ABCB7: variants seen among roughly 807,000 people sequenced by gnomAD.
ABCB7 encodes ATP binding cassette subfamily B member 7, also known as iron-sulfur clusters transporter ABCB7, mitochondrial.
Under a neutral mutation model 54.4 loss-of-function variants are expected in ABCB7, and 7 were observed. That is an observed-to-expected ratio of 0.13 (90% confidence interval 0.07 to 0.24). The LOEUF (loss-of-function observed/expected upper bound fraction) is 0.24, where lower values mean the gene tolerates loss of function less well. Ranked by LOEUF, ABCB7 falls within the 10% of genes least tolerant of loss-of-function variation. The probability of loss-of-function intolerance (pLI) is 1.00; values close to 1 mark genes in which losing one functional copy is unlikely to be tolerated. For missense variants in ABCB7, 356 were observed against 570.4 expected (o/e 0.62, Z 3.83); for synonymous variants, 218 against 207.1 (o/e 1.05, Z -0.45).
chrX:75,138,307 T>C (rs1158150646), intron 1 of ABCB7, among the ~76,000 whole-genome samples: 2 of 112,226 alleles, frequency 1.8e-5, no homozygotes, highest in African/African-American at 6.5e-5. Flanking sequence ...GTTAGGTACA[T>C]ATTTATGTGT....
intron 1 of ABCB7, among the ~76,000 whole-genome samples, chrX:75,153,849 G>T (rs1375706386): frequency 9.5e-6 from 1 of 105,412 alleles, no homozygotes; most frequent in Admixed American, 1.0e-4. Flanking sequence ...AAAAAGCACT[G>T]CTATTTTCTT....
At chrX:75,101,853 A>T (rs1363827150) in intron 3 of ABCB7, among the ~76,000 whole-genome samples, 1 of 112,021 alleles carries the variant, frequency 8.9e-6, no homozygotes, top group African/African-American at 3.2e-5. Context: ...AAATTATTCT[A>T]GTTGGCTTAA....
Position 75,114,777 on chromosome X carries a change from C to A in ABCB7, c.223G>T (p.Gly75Ter). 1 of 1,201,173 alleles carries A rather than the reference C, an allele frequency of 8.3e-7. No homozygotes were observed. Residue 75 changes from glycine to a stop codon, truncating the protein, a stop_gained, in exon 2 of 16, where the codon GGA (glycine) becomes TGA (stop). Transcript: ENST00000373394. LOFTEE classifies it high-confidence loss of function. The part of the protein sequence containing the change: ...TWQRLGKGNS[G>*]QFLDAAKALQ... ...ACCTTTGCAGCATCTAAGAACTGTC[C>A]TGAATTGCCTTTTCCCAATCTCTGC...
intron 3 of ABCB7, among the ~76,000 whole-genome samples, chrX:75,108,959 C>T (rs1014754596): frequency 1.8e-5 from 2 of 112,012 alleles, no homozygotes; most frequent in Admixed American, 1.9e-4. Flanking sequence ...TATTAACATA[C>T]AGCTTCATAA....
At chrX:75,114,985 A>T in intron 1 of ABCB7, 154 bp from the exon 2 acceptor site, 1 of 432,705 alleles carries the variant, frequency 2.3e-6, no homozygotes, top group Admixed American at 3.5e-5. Flanking sequence ...AAGACAAAAA[A>T]TAGGCCGGGC....
At chrX:75,107,794 T>C (rs2081717494) in intron 3 of ABCB7, among the ~76,000 whole-genome samples, 1 of 110,895 alleles carries the variant, frequency 9.0e-6, no homozygotes, top group Non-Finnish European at 1.9e-5. Context: ...GGTGCGAAGC[T>C]CCTTCTGCTT....
intron 1 of ABCB7, among the ~76,000 whole-genome samples, chrX:75,126,089 C>CG (rs1555955238): frequency 1.8e-5 from 2 of 111,422 alleles, no homozygotes; most frequent in East Asian, 5.6e-4. Context: ...TAAGAGCTAA[C>CG]TTTTTTTTAA....
At chrX:75,070,949 C>A (rs138944718) in intron 9 of ABCB7, among the ~76,000 whole-genome samples, 1 of 97,203 alleles carries the variant, frequency 1.0e-5, no homozygotes, top group Non-Finnish European at 2.0e-5. Context: ...CAAAATGAAA[C>A]AACAACAACA....
At chrX:75,077,836 T>C (rs2081422785) in intron 4 of ABCB7, among the ~76,000 whole-genome samples, 1 of 111,131 alleles carries the variant, frequency 9.0e-6, no homozygotes, top group Admixed American at 9.6e-5. Flanking sequence ...ATAGAATATA[T>C]GGCAGGTCTC....
At chrX:75,058,847 G>C (rs1400419258) in intron 15 of ABCB7, among the ~76,000 whole-genome samples, 1 of 111,418 alleles carries the variant, frequency 9.0e-6, no homozygotes, top group Non-Finnish European at 1.9e-5. Context: ...TGGCTGCATA[G>C]AATCAGAAAG....
At chrX:75,112,159 C>A (rs2081766516) in intron 3 of ABCB7, among the ~76,000 whole-genome samples, 1 of 111,692 alleles carries the variant, frequency 9.0e-6, no homozygotes, top group Non-Finnish European at 1.9e-5. Flanking sequence ...ACATTTACTT[C>A]TCTCTTTGCA....
intron 4 of ABCB7, among the ~76,000 whole-genome samples, chrX:75,098,280 G>C: frequency 9.4e-6 from 1 of 106,522 alleles, no homozygotes; most frequent in Non-Finnish European, 1.9e-5. Context: ...CTGTACTCCA[G>C]TCTGGGCAAC....
At chrX:75,074,304 A>C (rs925972538) in intron 6 of ABCB7, among the ~76,000 whole-genome samples, 14 of 111,710 alleles carry the variant, frequency 1.3e-4, no homozygotes, top group African/African-American at 4.2e-4. Context: ...ACAATGAGAT[A>C]TCATCTCAGA....
intron 13 of ABCB7, among the ~76,000 whole-genome samples, chrX:75,063,427 T>C (rs754644222): frequency 3.3e-4 from 37 of 111,432 alleles, no homozygotes; most frequent in Middle Eastern, 4.7e-3. Flanking sequence ...CCTGGTACAT[T>C]AAATATTTTT....
intron 3 of ABCB7, among the ~76,000 whole-genome samples, chrX:75,109,519 G>A (rs1046537243): frequency 9.0e-6 from 1 of 111,161 alleles, no homozygotes; most frequent in Non-Finnish European, 1.9e-5. Flanking sequence ...AAAGGTAGAA[G>A]AATCACCTTT....
At chrX:75,082,622 TA>T (rs939036782) in intron 4 of ABCB7, among the ~76,000 whole-genome samples, 1 of 111,465 alleles carries the variant, frequency 9.0e-6, no homozygotes, top group Non-Finnish European at 1.9e-5. Context: ...CATAGAGCAA[TA>T]AAAAAGATTA....
At chrX:75,066,383 T>A (rs1258045937) in intron 12 of ABCB7, among the ~76,000 whole-genome samples, 1 of 111,726 alleles carries the variant, frequency 9.0e-6, no homozygotes, top group Non-Finnish European at 1.9e-5. Flanking sequence ...ATACTTAAAC[T>A]CAATAAGCTC....
intron 4 of ABCB7, among the ~76,000 whole-genome samples, chrX:75,083,029 T>C (rs2081468383): frequency 9.0e-6 from 1 of 111,627 alleles, no homozygotes; most frequent in Admixed American, 9.5e-5. Context: ...TCAATAATTA[T>C]TAATATATCA....
rs1327183056 is a variant in ABCB7 at position 75,086,819 on chromosome X, G to A, written c.454-10165C>T. On this transcript the variant is annotated intron_variant, in intron 4 of 15. Coordinates refer to ENST00000373394, the MANE Select transcript of ABCB7 (RefSeq NM_001271696.3). ...CAGGATCTGAGAAAAACAGAATGCA[G>A]CAAAGAAACCAGCCAAAACCAGCTA... Among the ~76,000 whole-genome samples, 6 of 111,607 alleles carry A rather than the reference G, an allele frequency of 5.4e-5. No homozygotes were observed. The Admixed American group carries it at 5.7e-4, about 11-fold the overall frequency.
Sources: gnomAD v4.1 joint callset for allele counts (sites outside exome capture counted in the v4.1 genomes callset) on GRCh38, gnomAD v4.1.1 for gene constraint, MANE v1.5 for transcripts, NCBI Gene and HGNC (gene_info 2026-07-23, HGNC 2026-07-21) for gene names.